The following BCAS3 variants were observed in gnomAD, a reference collection of about 807,000 sequenced individuals.
BCAS3 encodes BCAS4/BCAS3 fusion.
Under a neutral mutation model 116.1 loss-of-function variants are expected in BCAS3, and 53 were observed. That is an observed-to-expected ratio of 0.46 (90% CI 0.37 to 0.57). BCAS3 has a LOEUF of 0.57. Among genes scored for constraint, BCAS3 ranks in the 20% least tolerant of loss-of-function variants. BCAS3 has a pLI of 0.00. For missense variants in BCAS3, 917 were observed against 1,165.4 expected (o/e 0.79, Z 3.10); for synonymous variants, 391 against 408.2 (o/e 0.96, Z 0.51).
intron 4 of BCAS3, among the ~76,000 whole-genome samples, chr17:60,708,911 G>A (rs1778891767): frequency 6.6e-6 from 1 of 151,792 alleles, no homozygotes; most frequent in Non-Finnish European, 1.5e-5. Context: ...CTTCTACTTC[G>A]TCCTCTCAAA....
In BCAS3 at chr17:61,368,199, C is replaced by T. The variant is rs187620387; in HGVS notation, c.2426-128C>T. On this transcript the variant is annotated intron_variant, in intron 22 of 23. Coordinates refer to ENST00000407086, the MANE Select transcript of BCAS3 (RefSeq NM_017679.5). This position sits in a 1 kb window ranked among gnomAD's most constrained non-coding sequence, Gnocchi z 6.0. ...CCTGCGCTACCCAGTCTGTTGGCGG[C>T]GTGCTTCCATCCTACAGGAAGGCTA... 10 of 973,948 alleles carry T rather than the reference C, an allele frequency of 1.0e-5. No homozygotes were observed. The highest frequency in any genetic ancestry group is 7.3e-5 in the East Asian group (3 of 41,044). 60.3% of individuals were successfully genotyped at this position (973,948 alleles called of 1,614,324 possible). A position where few individuals can be genotyped will look rare whatever the true frequency, so the allele number is the denominator to read the frequency against.
chr17:60,713,540 T>A (rs1256211730), intron 5 of BCAS3, among the ~76,000 whole-genome samples: 1 of 152,132 alleles, frequency 6.6e-6, no homozygotes, highest in Non-Finnish European at 1.5e-5. Context: ...ATATTTGGAA[T>A]TAAAAAAAGG....
chr17:60,726,114 C>T (rs1262493978), intron 5 of BCAS3, among the ~76,000 whole-genome samples: 4 of 149,402 alleles, frequency 2.7e-5, no homozygotes, highest in African/African-American at 7.4e-5. Context: ...AGGCTGGTCT[C>T]GAACTCCTGA....
intron 22 of BCAS3, among the ~76,000 whole-genome samples, chr17:61,330,643 C>G (rs1017803845): frequency 1.3e-5 from 2 of 152,158 alleles, no homozygotes; most frequent in Admixed American, 1.3e-4. Context: ...CAGCCACAGG[C>G]CCCCAGGAGT....
In BCAS3 at chr17:61,388,351, CTG is replaced by C. The variant is rs1012871237; in HGVS notation, c.2594-3623_2594-3622del. On this transcript the variant is annotated intron_variant, in intron 23 of 23. Coordinates refer to ENST00000407086, the MANE Select transcript of BCAS3 (RefSeq NM_017679.5). This position sits in a 1 kb window ranked among gnomAD's most constrained non-coding sequence, Gnocchi z 6.5. The stretch of plus-strand genomic sequence containing the variant: ...CCTAAAACTGTTCTTCATGTTGAAC[CTG>C]TGACTCCTCTCCCCCTCCCCCACTC... 7.8e-5 allele frequency: 34 copies of C among 434,472 alleles called. No individual in the cohort carries two copies. Among genetic ancestry groups the C allele is most frequent in the Non-Finnish European group, 1.4e-4 (34 of 238,908 alleles). 26.9% of individuals were successfully genotyped at this position (434,472 alleles called of 1,614,324 possible). A position where few individuals can be genotyped will look rare whatever the true frequency, so the allele number is the denominator to read the frequency against.
chr17:60,721,072 A>G (rs1784577339), intron 5 of BCAS3, among the ~76,000 whole-genome samples: 1 of 152,146 alleles, frequency 6.6e-6, no homozygotes, highest in Non-Finnish European at 1.5e-5. Flanking sequence ...TTCTTGAGGT[A>G]AATGCCAATT....
At chr17:60,824,424 T>C (rs1460041408) in intron 7 of BCAS3, among the ~76,000 whole-genome samples, 1 of 152,226 alleles carries the variant, frequency 6.6e-6, no homozygotes, top group Non-Finnish European at 1.5e-5. Flanking sequence ...TTTCCTTCTC[T>C]GATTCTTTCC....
In BCAS3 at chr17:60,911,518, G is replaced by A. The variant is rs530188168; in HGVS notation, c.993+816G>A. ...TCTCCGTGTTGGCCAGGCTGGTCTC[G>A]GACTCCTGACCTCAAGTGATCTGTC... On this transcript the variant is annotated intron_variant, in intron 12 of 23. Transcript: ENST00000407086. Among the ~76,000 whole-genome samples, 8 of 152,170 alleles carry A rather than the reference G, an allele frequency of 5.3e-5. No homozygotes were observed. In the East Asian group the frequency reaches 5.8e-4, roughly 11 times the overall value.
intron 22 of BCAS3, among the ~76,000 whole-genome samples, chr17:61,250,084 C>T (rs193174111): frequency 3.7e-4 from 57 of 152,212 alleles, no homozygotes; most frequent in African/African-American, 1.2e-3. Flanking sequence ...GGCCCCTTGC[C>T]CTGGGTTTGT....
intron 22 of BCAS3, among the ~76,000 whole-genome samples, chr17:61,163,260 T>TA (rs1260964401): frequency 6.6e-6 from 1 of 151,822 alleles, no homozygotes; most frequent in Non-Finnish European, 1.5e-5. Context: ...CAGTCTCTAC[T>TA]AAAAATACAA....
In BCAS3 at chr17:61,244,316, A is replaced by G. The variant is rs1357366180; in HGVS notation, c.2426-124011A>G. ...ATATACGCTATTGTTTGTAAAATGA[A>G]ATCACACTGAGCTTATTTACCATTA... On this transcript the variant is annotated intron_variant, in intron 22 of 23. Transcript: ENST00000407086. This position sits in a 1 kb window ranked among gnomAD's most constrained non-coding sequence, Gnocchi z 4.9. Among the ~76,000 whole-genome samples the G allele has an allele frequency of 1.3e-5, 2 of 151,990 alleles. No homozygotes were observed.
rs569223599 is a variant in BCAS3 at position 60,968,576 on chromosome 17, T to C, written c.1221+21224T>C. Among the ~76,000 whole-genome samples, 64 of 152,180 alleles carry C rather than the reference T, an allele frequency of 4.2e-4. No homozygotes were observed. In the South Asian group the frequency reaches 6.8e-3, roughly 16 times the overall value. The stretch of plus-strand genomic sequence containing the variant: ...CAGCTAAGTTGTTGCCTTTTTTTTT[T>C]GGATATAGGTGGTACCTAAAGCCCA... On this transcript the variant is annotated intron_variant, in intron 14 of 23. Coordinates refer to ENST00000407086, the MANE Select transcript of BCAS3 (RefSeq NM_017679.5).
intron 2 of BCAS3, among the ~76,000 whole-genome samples, chr17:60,681,337 TA>T (rs2033072786): frequency 6.6e-6 from 1 of 151,472 alleles, no homozygotes; most frequent in African/African-American, 2.4e-5. Context: ...CCGTCTCTAC[TA>T]AAAATACAAA....
At chr17:61,011,042 T>G (rs1396522750) in intron 15 of BCAS3, among the ~76,000 whole-genome samples, 1 of 152,020 alleles carries the variant, frequency 6.6e-6, no homozygotes, top group African/African-American at 2.4e-5. Flanking sequence ...AATTTGAAAG[T>G]ATAATAGTGT....
Position 61,162,530 on chromosome 17 carries a change from G to A in BCAS3, c.2425+77966G>A, listed in dbSNP as rs2078227048. ...ATCTTTTTTCCTGCTACAGTCTGTT[G>A]TACAGCAGCAAGACCAAGATGATTC... On this transcript the variant is annotated intron_variant, in intron 22 of 23. Transcript: ENST00000407086. This position sits in a 1 kb window ranked among gnomAD's most constrained non-coding sequence, Gnocchi z 5.6. Among the ~76,000 whole-genome samples the A allele has an allele frequency of 6.6e-6, 1 of 152,166 alleles. No individual in the cohort carries two copies. The highest frequency in any genetic ancestry group is 2.1e-4 in the South Asian group (1 of 4,830).
intron 22 of BCAS3, among the ~76,000 whole-genome samples, chr17:61,086,324 C>G (rs190946265): frequency 1.2e-4 from 18 of 152,312 alleles, no homozygotes; most frequent in Admixed American, 1.2e-3. Flanking sequence ...AACTCCTGAC[C>G]TCAGGTGATC....
intron 9 of BCAS3, among the ~76,000 whole-genome samples, chr17:60,878,994 C>T (rs1001891977): frequency 3.9e-5 from 6 of 152,096 alleles, no homozygotes; most frequent in Non-Finnish European, 8.8e-5. Context: ...TTCCTTTATA[C>T]AGACTGAAAC....
chr17:61,368,673 G>A lies in BCAS3; in HGVS notation c.2593+179G>A, dbSNP rs1334724039. ...GTTGGGAAACCCTGTGTAAAGGGGA[G>A]CTCCCAGTGGAACTGCCCCTCCCAC... On this transcript the variant is annotated intron_variant, in intron 23 of 23. Transcript: ENST00000407086. This position sits in a 1 kb window ranked among gnomAD's most constrained non-coding sequence, Gnocchi z 6.0. 6.6e-6 allele frequency among the ~76,000 whole-genome samples: 1 copy of A among 152,218 alleles called. No individual in the cohort carries two copies. The highest frequency in any genetic ancestry group is 2.4e-5 in the African/African-American group (1 of 41,472).
chr17:60,763,696 T>C (rs1029102701), intron 6 of BCAS3, among the ~76,000 whole-genome samples: 3 of 152,228 alleles, frequency 2.0e-5, no homozygotes, highest in African/African-American at 7.2e-5. Flanking sequence ...GGTATCAGGA[T>C]GATGCTGGCC....
Sources: allele counts gnomAD v4.1 joint callset (sites outside exome capture counted in the v4.1 genomes callset), GRCh38; gene constraint gnomAD v4.1.1; non-coding constraint Gnocchi (gnomAD v3.1); transcripts MANE v1.5; gene names NCBI Gene and HGNC (gene_info 2026-07-23, HGNC 2026-07-21).